INPP4B: variants seen among roughly 807,000 people sequenced by gnomAD.
INPP4B encodes inositol polyphosphate-4-phosphatase type II B, also known as inositol polyphosphate 4-phosphatase type II.
In INPP4B, 55 loss-of-function variants were observed where a neutral mutation model predicts 122.5. That is an observed-to-expected ratio of 0.45 (90% CI 0.36 to 0.56). The LOEUF (loss-of-function observed/expected upper bound fraction) is 0.56, where lower values mean the gene tolerates loss of function less well. Among genes scored for constraint, INPP4B ranks in the 20% least tolerant of loss-of-function variants. The pLI is 0.00. For missense variants in INPP4B, 1,000 were observed against 1,097.7 expected (o/e 0.91, Z 1.26); for synonymous variants, 403 against 388.7 (o/e 1.04, Z -0.43).
intron 2 of INPP4B, among the ~76,000 whole-genome samples, chr4:142,706,117 G>A (rs140034573): frequency 6.6e-6 from 1 of 152,262 alleles, no homozygotes; most frequent in East Asian, 1.9e-4. Flanking sequence ...TAAACTTCAT[G>A]CTTTTACATC....
chr4:142,348,959 A>G (rs891465393), intron 7 of INPP4B, among the ~76,000 whole-genome samples: 2 of 151,996 alleles, frequency 1.3e-5, no homozygotes, highest in African/African-American at 4.8e-5. Context: ...GCCAGCACCA[A>G]TGAGGAAGAG....
chr4:142,278,019 T>C (rs1227356428), intron 9 of INPP4B, among the ~76,000 whole-genome samples: 1 of 151,818 alleles, frequency 6.6e-6, no homozygotes, highest in Non-Finnish European at 1.5e-5. Flanking sequence ...AACTTATTCA[T>C]ATAACCAAAC....
rs542097615 is a variant in INPP4B at position 142,214,452 on chromosome 4, G to C, written c.837-5426C>G. On this transcript the variant is annotated intron_variant, in intron 12 of 25. Transcript: ENST00000262992. ...GTCACATTCTGCTGTTTAACTCAAT[G>C]TTTTAACATACATTTATAAAGGGGT... Among the ~76,000 whole-genome samples the C allele has an allele frequency of 2.0e-5, 3 of 152,268 alleles. No individual in the cohort carries two copies. In the South Asian group the frequency reaches 6.2e-4, roughly 32 times the overall value.
At chr4:142,676,292 T>C (rs955878632) in intron 2 of INPP4B, among the ~76,000 whole-genome samples, 1 of 152,106 alleles carries the variant, frequency 6.6e-6, no homozygotes, top group African/African-American at 2.4e-5. Context: ...ACAAGGGATG[T>C]GAAGGACCTC....
rs375241848 is a variant in INPP4B, at chr4:142,680,742, C to T, written c.-191+45097G>A. ...GCTGCCAATACTAAAAATATCCTTT[C>T]CACCAACTGTCTCCCTATTTCTGTC... On this transcript the variant is annotated intron_variant, in intron 2 of 25. Coordinates refer to ENST00000262992, the MANE Select transcript of INPP4B (RefSeq NM_001101669.3). Among the ~76,000 whole-genome samples the T allele has an allele frequency of 2.8e-4, 42 of 151,960 alleles. No individual in the cohort carries two copies. The South Asian group carries it at 8.7e-3, about 31-fold the overall frequency.
chr4:142,680,325 C>A (rs910064988), intron 2 of INPP4B, among the ~76,000 whole-genome samples: 1 of 151,796 alleles, frequency 6.6e-6, no homozygotes, highest in Admixed American at 6.6e-5. Context: ...TTACCTACAC[C>A]GTGCCAAATC....
At chr4:142,408,089 C>A (rs558896650) in intron 5 of INPP4B, among the ~76,000 whole-genome samples, 1 of 152,214 alleles carries the variant, frequency 6.6e-6, no homozygotes, top group South Asian at 2.1e-4. Context: ...AAGGTGAAAC[C>A]TATTCACATC....
chr4:142,199,871 G>A (rs1839937457), intron 14 of INPP4B, among the ~76,000 whole-genome samples: 1 of 151,986 alleles, frequency 6.6e-6, no homozygotes, highest in African/African-American at 2.4e-5. Flanking sequence ...TGGAGTGCCT[G>A]CCACTACTGA....
intron 2 of INPP4B, among the ~76,000 whole-genome samples, chr4:142,712,932 C>T (rs1179389529): frequency 1.3e-5 from 2 of 152,168 alleles, no homozygotes; most frequent in Non-Finnish European, 1.5e-5. Flanking sequence ...TGTCCAGGCT[C>T]TCCATATATC....
chr4:142,537,077 G>C (rs1828287247), intron 2 of INPP4B, among the ~76,000 whole-genome samples: 1 of 152,146 alleles, frequency 6.6e-6, no homozygotes, highest in Admixed American at 6.5e-5. Flanking sequence ...TTACAGGCAT[G>C]AGCCACTGCC....
intron 7 of INPP4B, among the ~76,000 whole-genome samples, chr4:142,384,652 A>G (rs28668004): frequency 6.6e-6 from 1 of 152,210 alleles, no homozygotes; most frequent in African/African-American, 2.4e-5. Context: ...GCATGACTGT[A>G]TATCTCTTGA....
rs897901965 is a variant in INPP4B at position 142,290,905 on chromosome 4, G to A, written c.503+14553C>T. Reference sequence around the variant, plus strand: ...ACACTCAAGTTGATGATGAGGATAGGAATGATGACCAATATTTATTGGCAG... The same window carrying A: ...ACACTCAAGTTGATGATGAGGATAGAAATGATGACCAATATTTATTGGCAG... On this transcript the variant is annotated intron_variant, in intron 9 of 25. Transcript: ENST00000262992. Among the ~76,000 whole-genome samples, 3 of 152,112 alleles carry A rather than the reference G, an allele frequency of 2.0e-5. No individual in the cohort carries two copies. The East Asian group carries it at 5.8e-4, about 29-fold the overall frequency.
intron 2 of INPP4B, among the ~76,000 whole-genome samples, chr4:142,512,545 T>C (rs909669275): frequency 2.0e-5 from 3 of 152,164 alleles, no homozygotes; most frequent in African/African-American, 7.2e-5. Context: ...AATGTAAACA[T>C]TACTACTTGA....
intron 9 of INPP4B, among the ~76,000 whole-genome samples, chr4:142,301,658 A>G (rs1325529368): frequency 6.6e-6 from 1 of 152,216 alleles, no homozygotes; most frequent in Non-Finnish European, 1.5e-5. Flanking sequence ...GGTAACATCA[A>G]TGGGAAAATA....
chr4:142,314,698 T>C lies in INPP4B; in HGVS notation c.423+14A>G, dbSNP rs1360422183. 1.9e-6 allele frequency: 3 copies of C among 1,601,468 alleles called. No individual in the cohort carries two copies. Among genetic ancestry groups the C allele is most frequent in the Non-Finnish European group, 2.6e-6 (3 of 1,175,224 alleles). On this transcript the variant is annotated intron_variant, in intron 8 of 25. Coordinates refer to ENST00000262992, the MANE Select transcript of INPP4B (RefSeq NM_001101669.3). ...GTGATGTGTGTGCCTTCTGGAAACG[T>C]TAGAAACACTTACCCCAACTTCTGG...
intron 17 of INPP4B, among the ~76,000 whole-genome samples, chr4:142,152,224 A>G (rs992730722): frequency 1.1e-4 from 16 of 150,494 alleles, no homozygotes; most frequent in East Asian, 5.9e-4. Flanking sequence ...ACAGGCGCCC[A>G]CCACCACACC....
intron 7 of INPP4B, among the ~76,000 whole-genome samples, chr4:142,316,608 A>G (rs546883385): frequency 1.3e-5 from 2 of 152,196 alleles, no homozygotes; most frequent in Non-Finnish European, 2.9e-5. Context: ...AAAAATTGAC[A>G]GCCAAATAAC....
At chr4:142,662,788 C>G (rs1755431169) in intron 2 of INPP4B, among the ~76,000 whole-genome samples, 1 of 152,130 alleles carries the variant, frequency 6.6e-6, no homozygotes. Flanking sequence ...TTCATTGGAG[C>G]AGCTAAAGTA....
intron 10 of INPP4B, among the ~76,000 whole-genome samples, chr4:142,265,247 G>A (rs530365595): frequency 6.6e-5 from 10 of 152,246 alleles, no homozygotes; most frequent in East Asian, 3.9e-4. Flanking sequence ...TCTTATTTAC[G>A]TCTACATTAG....
Sources: gnomAD v4.1 joint callset for allele counts (sites outside exome capture counted in the v4.1 genomes callset) on GRCh38, gnomAD v4.1.1 for gene constraint, MANE v1.5 for transcripts, NCBI Gene and HGNC (gene_info 2026-07-23, HGNC 2026-07-21) for gene names.